The following NELL1 variants were observed in gnomAD, a reference collection of about 807,000 sequenced individuals.
NELL1 encodes the protein neural EGFL like 1, also known as protein kinase C-binding protein NELL1.
In NELL1, 76 loss-of-function variants were observed where a neutral mutation model predicts 107.4. The observed-to-expected ratio is 0.71, with a 90% CI of 0.59 to 0.86. NELL1 has a LOEUF of 0.86. Among genes scored for constraint, NELL1 ranks in the 40% least tolerant of loss-of-function variants. The pLI is 0.00. For missense variants in NELL1, 1,024 were observed against 1,005.5 expected (o/e 1.02, Z -0.25); for synonymous variants, 353 against 341.2 (o/e 1.03, Z -0.38).
In NELL1 at chr11:20,738,777, G is replaced by C. The variant is rs1323243505; in HGVS notation, c.185-44903G>C. 3.3e-5 allele frequency among the ~76,000 whole-genome samples: 5 copies of C among 152,302 alleles called. No homozygotes were observed. In the East Asian group the frequency reaches 9.7e-4, roughly 29 times the overall value. ...TGGGGAAGAACTTTTCCTGCTAGAG[G>C]ACGAGAAGCCAGATTTGAAAGATGG... is the stretch of plus-strand genomic sequence containing the variant. On this transcript the variant is annotated intron_variant, in intron 2 of 19. Coordinates refer to ENST00000357134, the MANE Select transcript of NELL1 (RefSeq NM_006157.5).
intron 14 of NELL1, among the ~76,000 whole-genome samples, chr11:21,347,224 A>G (rs1850701846): frequency 6.6e-6 from 1 of 152,158 alleles, no homozygotes; most frequent in Non-Finnish European, 1.5e-5. Flanking sequence ...CTATGTGAAC[A>G]ACTTGGAGGT....
chr11:21,367,841 T>G (rs1851263693), intron 14 of NELL1, among the ~76,000 whole-genome samples: 1 of 152,068 alleles, frequency 6.6e-6, no homozygotes, highest in African/African-American at 2.4e-5. Context: ...CCAGCCCATC[T>G]CCTCACAAAC....
At chr11:21,454,605 C>T (rs1041995659) in intron 15 of NELL1, among the ~76,000 whole-genome samples, 1 of 152,188 alleles carries the variant, frequency 6.6e-6, no homozygotes, top group African/African-American at 2.4e-5. Context: ...GCTAGGGCTG[C>T]TGTAACAAAA....
At chr11:21,196,341 G>A (rs963522183) in intron 13 of NELL1, among the ~76,000 whole-genome samples, 1 of 152,082 alleles carries the variant, frequency 6.6e-6, no homozygotes, top group African/African-American at 2.4e-5. Context: ...GGACCTACCT[G>A]ATTTCACCTA....
intron 2 of NELL1, among the ~76,000 whole-genome samples, chr11:20,776,863 T>C (rs1200103076): frequency 6.6e-6 from 1 of 152,228 alleles, no homozygotes; most frequent in Non-Finnish European, 1.5e-5. Context: ...AAGAGTCAGC[T>C]TTGTCTCCAC....
chr11:20,829,604 CT>C (rs1857963134), intron 3 of NELL1, among the ~76,000 whole-genome samples: 2 of 151,832 alleles, frequency 1.3e-5, no homozygotes, highest in Admixed American at 1.3e-4. Context: ...AGGATTTTTT[CT>C]GTTTCAGGAT....
chr11:20,771,439 C>T (rs909953314), intron 2 of NELL1, among the ~76,000 whole-genome samples: 3 of 152,158 alleles, frequency 2.0e-5, no homozygotes, highest in African/African-American at 4.8e-5. Flanking sequence ...ATCCACTAAA[C>T]CAACTAAATT....
chr11:21,557,529 TTATACTTCCAGACA>T (rs887808110), intron 16 of NELL1, among the ~76,000 whole-genome samples: 1 of 152,012 alleles, frequency 6.6e-6, no homozygotes. Context: ...TGGGTTGAAG[TTATACTTCCAGACA>T]ATTTCTGGAG....
chr11:21,111,323 T>C (rs998336271), intron 12 of NELL1, among the ~76,000 whole-genome samples: 58 of 152,272 alleles, frequency 3.8e-4, no homozygotes, highest in African/African-American at 1.2e-3. Flanking sequence ...CATGACTAAA[T>C]GATGCTTTCC....
At chr11:21,101,737 T>A (rs1322799295) in intron 12 of NELL1, among the ~76,000 whole-genome samples, 1 of 152,216 alleles carries the variant, frequency 6.6e-6, no homozygotes. Context: ...TTCTGGATAT[T>A]AGCCCTTTGT....
intron 14 of NELL1, among the ~76,000 whole-genome samples, chr11:21,267,405 A>G (rs1000139172): frequency 3.3e-5 from 5 of 152,120 alleles, no homozygotes; most frequent in African/African-American, 1.2e-4. Context: ...AATAGTTTTT[A>G]TGTTAGATTA....
chr11:21,136,437 T>C (rs562594154), intron 13 of NELL1, among the ~76,000 whole-genome samples: 1 of 152,366 alleles, frequency 6.6e-6, no homozygotes, highest in South Asian at 2.1e-4. Context: ...GGATAGTCAC[T>C]ATTGGTGACA....
rs1488455638 is a variant in NELL1, at chr11:21,361,286, T to C, written c.1550-9567T>C. 1.2e-4 allele frequency among the ~76,000 whole-genome samples: 12 copies of C among 97,916 alleles called. No individual in the cohort carries two copies. In the South Asian group the frequency reaches 3.7e-3, roughly 30 times the overall value. 64.2% of individuals were successfully genotyped at this position (97,916 alleles called of 152,430 possible). A position where few individuals can be genotyped will look rare whatever the true frequency, so the allele number is the denominator to read the frequency against. ...TTTTTTTTTTTTTTTTTTTTTTTTT[T>C]AGTTTCAGGAAACTGAAGATGAGAC... On this transcript the variant is annotated intron_variant, in intron 14 of 19. Transcript: ENST00000357134.
chr11:21,214,898 AATAC>A (rs1255267113), intron 13 of NELL1, among the ~76,000 whole-genome samples: 1 of 152,200 alleles, frequency 6.6e-6, no homozygotes, highest in African/African-American at 2.4e-5. Context: ...ACACATACAT[AATAC>A]ATACATGCAT....
At chr11:21,275,451 A>G (rs1462745849) in intron 14 of NELL1, among the ~76,000 whole-genome samples, 2 of 152,214 alleles carry the variant, frequency 1.3e-5, no homozygotes, top group Non-Finnish European at 2.9e-5. Context: ...ATGGATTCAC[A>G]GCCGAATTCT....
At chr11:20,767,539 G>C (rs1013370464) in intron 2 of NELL1, among the ~76,000 whole-genome samples, 1 of 152,180 alleles carries the variant, frequency 6.6e-6, no homozygotes, top group African/African-American at 2.4e-5. Flanking sequence ...ACAGAGTGCT[G>C]ATTGGTGCAT....
chr11:21,485,870 T>G (rs560160154), intron 15 of NELL1, among the ~76,000 whole-genome samples: 1 of 152,140 alleles, frequency 6.6e-6, no homozygotes, highest in Non-Finnish European at 1.5e-5. Flanking sequence ...CCAATCCACA[T>G]GTGTTGGCAC....
At chr11:21,240,119 C>A (rs1858314828) in intron 14 of NELL1, among the ~76,000 whole-genome samples, 1 of 151,992 alleles carries the variant, frequency 6.6e-6, no homozygotes, top group East Asian at 1.9e-4. Flanking sequence ...CTCTACCATT[C>A]CCTCCTGAAG....
chr11:20,938,916 C>CTCTCTCTG (rs1850784812), intron 10 of NELL1, among the ~76,000 whole-genome samples: 3 of 93,356 alleles, frequency 3.2e-5, no homozygotes, highest in African/African-American at 9.1e-5. Flanking sequence ...CTGTCTCTCT[C>CTCTCTCTG]TCTCTCTCTC....
Sources: gnomAD v4.1 joint callset for allele counts (sites outside exome capture counted in the v4.1 genomes callset) on GRCh38, gnomAD v4.1.1 for gene constraint, MANE v1.5 for transcripts, NCBI Gene and HGNC (gene_info 2026-07-23, HGNC 2026-07-21) for gene names.